Variants in PSMA7 observed in about 807,000 individuals in gnomAD.
The protein encoded by PSMA7 is proteasome 20S subunit alpha 7.
In PSMA7, 5 loss-of-function variants were observed where a neutral mutation model predicts 31.3. That is an observed-to-expected ratio of 0.16 (90% CI 0.08 to 0.34). The LOEUF is 0.34. Among genes scored for constraint, PSMA7 ranks in the 10% least tolerant of loss-of-function variants. The probability of loss-of-function intolerance (pLI) is 1.00; values close to 1 mark genes in which losing one functional copy is unlikely to be tolerated. For synonymous variants in PSMA7, 155 were observed against 121.9 expected (o/e 1.27, Z -1.79); for missense variants, 217 against 327.5 (o/e 0.66, Z 2.60).
intron 2 of PSMA7, 95 bp downstream of exon 2, chr20:62,140,723 G>A (rs2056922664): frequency 7.0e-7 from 1 of 1,427,422 alleles, no homozygotes; most frequent in Non-Finnish European, 9.6e-7. Context: ...CAGTTTATAT[G>A]GCTCACAATA....
At chr20:62,140,787 G>C (rs2056923020) in intron 2 of PSMA7, 31 bp downstream of exon 2, 6 of 1,612,902 alleles carry the variant, frequency 3.7e-6, no homozygotes, top group Non-Finnish European at 4.2e-6. Context: ...AGACTCTAGA[G>C]AGTAAGACAG....
intron 5 of PSMA7, 135 bp from the exon 6 acceptor site, chr20:62,137,561 CTG>C (rs2056902944): frequency 2.4e-6 from 2 of 826,832 alleles, no homozygotes; most frequent in South Asian, 1.5e-5. Flanking sequence ...CCCCCAAAAC[CTG>C]TGTCTTTGTC....
intron 1 of PSMA7, among the ~76,000 whole-genome samples, chr20:62,141,410 T>C (rs1008523063): frequency 6.6e-6 from 1 of 152,208 alleles, no homozygotes; most frequent in Non-Finnish European, 1.5e-5. Context: ...TCTCCTCTAC[T>C]TGTCTGTCAC....
chr20:62,137,982 T>G (rs2281739), intron 5 of PSMA7, among the ~76,000 whole-genome samples, 189 bp downstream of exon 5: 2 of 151,390 alleles, frequency 1.3e-5, no homozygotes, highest in East Asian at 3.9e-4. Context: ...AATGATCACA[T>G]CTTGCATGGC....
Position 62,143,343 on chromosome 20 carries a change from CA to C in PSMA7, c.-41del. The C allele has an allele frequency of 7.7e-7, 1 of 1,294,026 alleles. No individual in the cohort carries two copies. The highest frequency in any genetic ancestry group is 1.0e-6 in the Non-Finnish European group (1 of 986,864). 80.2% of individuals were successfully genotyped at this position (1,294,026 alleles called of 1,614,324 possible). On this transcript the variant is annotated 5_prime_UTR_variant, in exon 1 of 7. Transcript: ENST00000370873. ...GCCGGGCTCCTTCCGCCGCGACTCT[CA>C]AAAGCGCACACTCACGGCCCGCGCG...
intron 1 of PSMA7, among the ~76,000 whole-genome samples, chr20:62,142,897 C>G (rs1432311729): frequency 6.6e-6 from 1 of 150,754 alleles, no homozygotes; most frequent in Non-Finnish European, 1.5e-5. Context: ...ACGCGCCCGG[C>G]CGGGGCCAGG....
intron 3 of PSMA7, 72 bp downstream of exon 3, chr20:62,139,709 G>T: frequency 6.2e-7 from 1 of 1,611,040 alleles, no homozygotes; most frequent in Non-Finnish European, 8.5e-7. Flanking sequence ...AAGTGACATG[G>T]CAGGACCCTC....
In PSMA7 at chr20:62,141,063, A is replaced by G. The variant is rs190326337; in HGVS notation, c.97-119T>C. ...GGTGGGTGGATGACTTAAATTCAAG[A>G]GTTCAAGACCAGCCGGACAACATGG... On this transcript the variant is annotated intron_variant, in intron 1 of 6. Coordinates refer to ENST00000370873, the MANE Select transcript of PSMA7 (RefSeq NM_002792.4). 17 of 1,269,802 alleles carry G rather than the reference A, an allele frequency of 1.3e-5. No homozygotes were observed. The East Asian group carries it at 3.0e-4, about 23-fold the overall frequency. 78.7% of individuals were successfully genotyped at this position (1,269,802 alleles called of 1,614,324 possible). A position where few individuals can be genotyped will look rare whatever the true frequency, so the allele number is the denominator to read the frequency against.
Position 62,140,778 on chromosome 20 carries a change from G to A in PSMA7, c.223+40C>T, listed in dbSNP as rs1049384603. ...TCTCCAAAGCCCTATTCTTCGCTGA[G>A]ACTCTAGAGAGTAAGACAGCGCTCC... On this transcript the variant is annotated intron_variant, in intron 2 of 6. Coordinates refer to ENST00000370873, the MANE Select transcript of PSMA7 (RefSeq NM_002792.4). The A allele has an allele frequency of 1.9e-6, 3 of 1,608,324 alleles. No individual in the cohort carries two copies. In the African/African-American group the frequency reaches 4.0e-5, roughly 22 times the overall value.
chr20:62,139,247 T>G (rs1568725975), intron 3 of PSMA7, 50 bp from the exon 4 acceptor site: 2 of 1,595,352 alleles, frequency 1.3e-6, no homozygotes, highest in Admixed American at 1.7e-5. Flanking sequence ...AAACTGCATG[T>G]GAGGAAAGAA....
At chr20:62,137,025 G>A (rs1226515796) in intron 6 of PSMA7, 76 bp from the exon 7 acceptor site, 1 of 1,557,798 alleles carries the variant, frequency 6.4e-7, no homozygotes, top group Non-Finnish European at 8.6e-7. Context: ...GGGGAGGGCG[G>A]CCAGGCTTTG....
At chr20:62,141,391 A>C (rs528350024) in intron 1 of PSMA7, among the ~76,000 whole-genome samples, 205 of 152,330 alleles carry the variant, frequency 1.3e-3, no homozygotes, top group Non-Finnish European at 2.1e-3. Flanking sequence ...GCGTTCACCC[A>C]CACCCCTTTC....
intron 3 of PSMA7, chr20:62,139,542 C>G: frequency 2.6e-6 from 2 of 765,484 alleles, no homozygotes; most frequent in South Asian, 3.6e-5. Flanking sequence ...AAGACAAAAG[C>G]TATCATTTCC....
At chr20:62,139,471 G>A in intron 3 of PSMA7, 2 of 635,372 alleles carry the variant, frequency 3.1e-6, no homozygotes, top group Non-Finnish European at 5.4e-6. Context: ...CTAATGGCGT[G>A]TCCTCATAGG....
Position 62,140,855 on chromosome 20 carries a change from G to C in PSMA7, c.186C>G (p.Ile62Met), listed in dbSNP as rs1013879751. Reference protein sequence around the residue: ...KLQDERTVRKICALDDNVCMA... With the variant: ...KLQDERTVRKMCALDDNVCMA... ...TGCAGACGTTGTCATCCAAAGCACA[G>C]ATCTTCCGCACTGTTCTTTCATCCT... The change falls in exon 2 of 7, where the codon ATC becomes ATG. Residue 62 changes from isoleucine to methionine, a missense_variant. Transcript: ENST00000370873. 2.5e-6 allele frequency: 4 copies of C among 1,614,208 alleles called. No homozygotes were observed. Among genetic ancestry groups the C allele is most frequent in the Non-Finnish European group, 3.4e-6 (4 of 1,180,040 alleles).
Position 62,143,191 on chromosome 20 carries a change from A to C in PSMA7, c.96+17T>G. 3.8e-6 allele frequency: 5 copies of C among 1,332,254 alleles called. No homozygotes were observed. Among genetic ancestry groups the C allele is most frequent in the Non-Finnish European group, 9.7e-7 (1 of 1,027,276 alleles). The allele number at this position is 1,332,254 out of a possible 1,614,324, so 82.5% of individuals were successfully genotyped here. A position where few individuals can be genotyped will look rare whatever the true frequency, so the allele number is the denominator to read the frequency against. ...TCCGCCCGCGTCCCCGGCCCCGCGC[A>C]GGCCCCGCCGCCTCACCGCGGTCGA... On this transcript the variant is annotated intron_variant, in intron 1 of 6. Coordinates refer to ENST00000370873, the MANE Select transcript of PSMA7 (RefSeq NM_002792.4).
Position 62,136,901 on chromosome 20 carries a change from C to G in PSMA7, c.703G>C (p.Glu235Gln), listed in dbSNP as rs1555816390. 1.9e-6 allele frequency: 3 copies of G among 1,599,536 alleles called. No individual in the cohort carries two copies. Among genetic ancestry groups the G allele is most frequent in the Non-Finnish European group, 2.6e-6 (3 of 1,175,186 alleles). Residue 235 changes from glutamate to glutamine, a missense_variant, in exon 7 of 7, where the codon GAA becomes CAA. Coordinates refer to ENST00000370873, the MANE Select transcript of PSMA7 (RefSeq NM_002792.4). ...IEKYVAEIEKEKEENEKKKQK... is the reference protein window; with the variant it reads ...IEKYVAEIEKQKEENEKKKQK... Reference sequence around the variant, plus strand: ...TTCTTCTTTTCGTTTTCTTCTTTTTCTTTTTCAATTTCAGCAACATACTTC... The same window carrying G: ...TTCTTCTTTTCGTTTTCTTCTTTTTGTTTTTCAATTTCAGCAACATACTTC...
chr20:62,143,380 TC>T lies in PSMA7; in HGVS notation c.-78del, dbSNP rs2056954385. 1.2e-6 allele frequency: 1 copy of T among 826,960 alleles called. No homozygotes were observed. The highest frequency in any genetic ancestry group is 1.6e-6 in the Non-Finnish European group (1 of 638,750). 51.2% of individuals were successfully genotyped at this position (826,960 alleles called of 1,614,324 possible). The stretch of plus-strand genomic sequence containing the variant: ...CTCACGGCCCGCGCGCACCCGCGAC[TC>T]CCGGCGCCACTACGCCCGCGCCCCA... On this transcript the variant is annotated 5_prime_UTR_variant, in exon 1 of 7. Transcript: ENST00000370873.
rs187267415 is a variant in PSMA7 at position 62,140,669 on chromosome 20, C to T, written c.223+149G>A. On this transcript the variant is annotated intron_variant, in intron 2 of 6. Coordinates refer to ENST00000370873, the MANE Select transcript of PSMA7 (RefSeq NM_002792.4). The stretch of plus-strand genomic sequence containing the variant: ...AGAGGCCACCAAAGAAACTAGCCAA[C>T]TTAAAAGTCCAAATCCAATTCTTTT... 28 of 1,078,794 alleles carry T rather than the reference C, an allele frequency of 2.6e-5. No homozygotes were observed. The Admixed American group carries it at 4.2e-4, about 16-fold the overall frequency. The allele number at this position is 1,078,794 out of a possible 1,614,324, so 66.8% of individuals were successfully genotyped here. A position where few individuals can be genotyped will look rare whatever the true frequency, so the allele number is the denominator to read the frequency against.
Sources: gnomAD v4.1 joint callset for allele counts (sites outside exome capture counted in the v4.1 genomes callset) on GRCh38, gnomAD v4.1.1 for gene constraint, MANE v1.5 for transcripts, NCBI Gene and HGNC (gene_info 2026-07-23, HGNC 2026-07-21) for gene names.